Variants in CAST observed in about 807,000 individuals in gnomAD.
CAST encodes calpastatin.
In CAST, 76 loss-of-function variants were observed where a neutral mutation model predicts 119.6. The observed-to-expected ratio is 0.64, with a 90% CI of 0.53 to 0.77. The LOEUF (loss-of-function observed/expected upper bound fraction) is 0.77. CAST is among the 30% of genes least tolerant of loss of function. CAST has a pLI of 0.00. For missense variants in CAST, 953 were observed against 946.5 expected (o/e 1.01, Z -0.09); for synonymous variants, 319 against 331.6 (o/e 0.96, Z 0.41).
the CAST span, among the ~76,000 whole-genome samples, chr5:96,219,486 A>G: frequency 1.3e-4 from 20 of 152,336 alleles, no homozygotes; most frequent in African/African-American, 4.8e-4. Flanking sequence ...TACAGCTAAT[A>G]AGTGGCATTG....
the CAST span, among the ~76,000 whole-genome samples, chr5:96,209,301 A>G: frequency 2.6e-5 from 4 of 152,004 alleles, no homozygotes; most frequent in Non-Finnish European, 5.9e-5. Context: ...TTAATTGAGC[A>G]TTTAGTACAT....
the CAST span, among the ~76,000 whole-genome samples, chr5:96,163,020 TG>T: frequency 6.6e-6 from 1 of 152,238 alleles, no homozygotes. Context: ...TGAATTCTAC[TG>T]GGCTTTTCTT....
At chr5:96,200,736 G>A in the CAST span, among the ~76,000 whole-genome samples, 1 of 152,034 alleles carries the variant, frequency 6.6e-6, no homozygotes, top group African/African-American at 2.4e-5. Context: ...TATAATATGG[G>A]GAAATTGCTT....
intron 1 of CAST, among the ~76,000 whole-genome samples, chr5:96,563,336 T>G (rs1217046017): frequency 6.6e-6 from 1 of 152,210 alleles, no homozygotes; most frequent in Non-Finnish European, 1.5e-5. Flanking sequence ...CATATGGTTC[T>G]CGGCCATGGA....
At chr5:96,545,639 A>G (rs1237434702) in intron 1 of CAST, among the ~76,000 whole-genome samples, 2 of 152,204 alleles carry the variant, frequency 1.3e-5, no homozygotes, top group African/African-American at 4.8e-5. Flanking sequence ...GGCAGTCATT[A>G]GTAATGTTAG....
At chr5:96,039,789 T>C in the CAST span, among the ~76,000 whole-genome samples, 18 of 152,204 alleles carry the variant, frequency 1.2e-4, 1 homozygote, top group Admixed American at 1.2e-3. Flanking sequence ...TGTAGTATAG[T>C]TTGAAGTCAG....
chr5:96,620,068 G>T (rs2150198944), intron 1 of CAST, among the ~76,000 whole-genome samples: 1 of 152,344 alleles, frequency 6.6e-6, no homozygotes, highest in South Asian at 2.1e-4. Context: ...TTTGCAGGCA[G>T]GCAGTAAGGA....
intron 2 of CAST, among the ~76,000 whole-genome samples, chr5:96,694,417 C>T (rs1156404230): frequency 6.6e-6 from 1 of 152,160 alleles, no homozygotes; most frequent in Non-Finnish European, 1.5e-5. Flanking sequence ...GCAGGCAGAT[C>T]ACGAGGTCAG....
chr5:96,687,409 G>A (rs775952849), intron 2 of CAST, among the ~76,000 whole-genome samples: 1 of 152,124 alleles, frequency 6.6e-6, no homozygotes, highest in Non-Finnish European at 1.5e-5. Context: ...TAGATGTCTT[G>A]GATTGTTTGG....
At chr5:96,536,110 C>G (rs1278947841) in intron 1 of CAST, among the ~76,000 whole-genome samples, 1 of 142,588 alleles carries the variant, frequency 7.0e-6, no homozygotes, top group Non-Finnish European at 1.5e-5. Context: ...GTAATCCCAG[C>G]ACTTTGGGAG....
chr5:96,294,076 G>T, the CAST span, among the ~76,000 whole-genome samples: 1 of 152,068 alleles, frequency 6.6e-6, no homozygotes, highest in Non-Finnish European at 1.5e-5. Context: ...TATTTTTATT[G>T]TAAGTTTCAT....
At chr5:96,344,549 G>A in the CAST span, among the ~76,000 whole-genome samples, 1 of 152,152 alleles carries the variant, frequency 6.6e-6, no homozygotes, top group Non-Finnish European at 1.5e-5. Flanking sequence ...TCAGGTAGCA[G>A]GCTGAGTAAA....
At chr5:95,998,188 T>G in the CAST span, among the ~76,000 whole-genome samples, 1 of 151,994 alleles carries the variant, frequency 6.6e-6, no homozygotes, top group Non-Finnish European at 1.5e-5. Context: ...AAAGTGTACA[T>G]TTTTTGGTTA....
intron 1 of CAST, among the ~76,000 whole-genome samples, chr5:96,655,552 G>A (rs899722055): frequency 6.6e-6 from 1 of 152,146 alleles, no homozygotes; most frequent in African/African-American, 2.4e-5. Flanking sequence ...TGAAAAACTG[G>A]GATTCCCCTC....
At chr5:96,442,273 G>A in the CAST span, among the ~76,000 whole-genome samples, 5 of 152,202 alleles carry the variant, frequency 3.3e-5, no homozygotes, top group Admixed American at 2.0e-4. Flanking sequence ...TGAAACAGAG[G>A]AAATAATACT....
the CAST span, among the ~76,000 whole-genome samples, chr5:96,121,185 C>T: frequency 2.0e-5 from 3 of 152,170 alleles, no homozygotes; most frequent in Non-Finnish European, 4.4e-5. Flanking sequence ...GTGTTCACTG[C>T]TGTTAGCCCC....
At chr5:96,439,073 T>C in the CAST span, among the ~76,000 whole-genome samples, 7 of 152,304 alleles carry the variant, frequency 4.6e-5, no homozygotes, top group African/African-American at 1.7e-4. Context: ...TATTTCCATG[T>C]CAATAACTGT....
the CAST span, among the ~76,000 whole-genome samples, chr5:96,421,634 T>C: frequency 6.6e-6 from 1 of 152,214 alleles, no homozygotes; most frequent in Non-Finnish European, 1.5e-5. Context: ...AACAGTTCAG[T>C]AACATTTGAG....
chr5:96,698,207 T>TA (rs1458646505), intron 3 of CAST, among the ~76,000 whole-genome samples: 2 of 152,202 alleles, frequency 1.3e-5, no homozygotes, highest in Non-Finnish European at 2.9e-5. Context: ...TTCTTTTTTT[T>TA]AACGTAGAAG....
Sources: allele counts gnomAD v4.1 joint callset (sites outside exome capture counted in the v4.1 genomes callset), GRCh38; gene constraint gnomAD v4.1.1; transcripts MANE v1.5; gene names NCBI Gene and HGNC (gene_info 2026-07-23, HGNC 2026-07-21).